Variants in NME7 observed in about 807,000 individuals in gnomAD.
NME7 encodes the protein nucleoside diphosphate kinase 7.
Under a neutral mutation model 49.1 loss-of-function variants are expected in NME7, and 41 were observed. That is an observed-to-expected ratio of 0.83 (90% CI 0.65 to 1.08). The LOEUF (loss-of-function observed/expected upper bound fraction) is 1.08, where lower values mean the gene tolerates loss of function less well. Among genes scored for constraint, NME7 ranks in the 50% least tolerant of loss-of-function variants. The pLI is 0.00. For synonymous variants in NME7, 139 were observed against 150.6 expected (o/e 0.92, Z 0.56); for missense variants, 423 against 463.4 (o/e 0.91, Z 0.80).
intron 6 of NME7, 62 bp downstream of exon 6, chr1:169,298,494 C>T: frequency 6.6e-7 from 1 of 1,508,104 alleles, no homozygotes; most frequent in South Asian, 1.2e-5. Context: ...GAAATGCTTT[C>T]CTTTGATATA....
intron 1 of NME7, among the ~76,000 whole-genome samples, chr1:169,359,529 T>C (rs1225168902): frequency 6.6e-6 from 1 of 152,038 alleles, no homozygotes; most frequent in East Asian, 1.9e-4. Context: ...AAAATATTAA[T>C]AGCGATTGTA....
rs191569456 is a variant in NME7, at chr1:169,269,730, T to C, written c.754+17573A>G. Among the ~76,000 whole-genome samples, 3 of 133,896 alleles carry C rather than the reference T, an allele frequency of 2.2e-5. 1 individual carries two copies. The highest frequency in any genetic ancestry group is 7.6e-5 in the African/African-American group (3 of 39,670). The allele number at this position is 133,896 out of a possible 152,430, so 87.8% of individuals were successfully genotyped here. On this transcript the variant is annotated intron_variant, in intron 7 of 11. Transcript: ENST00000367811. ...GCGCCTACCAGTCTCATTTTAATTC[T>C]TATACCAGAGCCAATTCTGATGCTA...
intron 1 of NME7, 62 bp from the exon 2 acceptor site, chr1:169,324,562 G>T: frequency 1.0e-6 from 1 of 997,318 alleles, no homozygotes; most frequent in Non-Finnish European, 1.5e-6. Context: ...TCTTCTGTAA[G>T]TCACACAAAA....
intron 7 of NME7, among the ~76,000 whole-genome samples, chr1:169,247,730 T>C (rs1045085096): frequency 1.3e-5 from 2 of 152,186 alleles, no homozygotes; most frequent in African/African-American, 4.8e-5. Context: ...AGTGAGAACA[T>C]ACGGTTTTTG....
At position 169,364,854 on chromosome 1, in the gene NME7, T is replaced by C. The variant is rs1016642272; in HGVS notation, c.3+2854A>G. On this transcript the variant is annotated intron_variant, in intron 1 of 11. Transcript: ENST00000367811. The stretch of plus-strand genomic sequence containing the variant: ...ATAGAAGGCCGCAAGGTTAGGACTA[T>C]GGGAGGGACCTAAAATCTGCTAAAA... 1.5e-4 allele frequency among the ~76,000 whole-genome samples: 23 copies of C among 152,196 alleles called. 1 individual carries two copies. The highest frequency in any genetic ancestry group is 2.9e-5 in the Non-Finnish European group (2 of 68,036).
intron 7 of NME7, among the ~76,000 whole-genome samples, chr1:169,255,259 G>A (rs944127876): frequency 1.4e-5 from 2 of 138,646 alleles, no homozygotes; most frequent in Non-Finnish European, 3.3e-5. Context: ...TGTATTGGGT[G>A]CAATATATTT....
chr1:169,216,297 C>T (rs1480167276), intron 10 of NME7, among the ~76,000 whole-genome samples: 3 of 152,116 alleles, frequency 2.0e-5, no homozygotes, highest in Non-Finnish European at 4.4e-5. Flanking sequence ...CCTAACTTTT[C>T]GGGAGGGAAG....
intron 10 of NME7, among the ~76,000 whole-genome samples, chr1:169,192,632 A>T (rs903396530): frequency 6.6e-6 from 1 of 152,130 alleles, no homozygotes; most frequent in African/African-American, 2.4e-5. Flanking sequence ...GTAATACTCA[A>T]CCCTCCTTTG....
At chr1:169,190,118 T>G (rs1660175228) in intron 10 of NME7, among the ~76,000 whole-genome samples, 2 of 152,226 alleles carry the variant, frequency 1.3e-5, no homozygotes, top group East Asian at 1.9e-4. Flanking sequence ...ATTTTACCTC[T>G]AGAAATTAGT....
chr1:169,328,605 TA>T (rs1289962521), intron 1 of NME7, among the ~76,000 whole-genome samples: 1 of 152,138 alleles, frequency 6.6e-6, no homozygotes, highest in Admixed American at 6.5e-5. Flanking sequence ...AAAAAATGAC[TA>T]AAATTATATT....
chr1:169,248,443 T>C (rs1004461228), intron 7 of NME7, among the ~76,000 whole-genome samples: 1 of 152,128 alleles, frequency 6.6e-6, no homozygotes, highest in Non-Finnish European at 1.5e-5. Context: ...TTTATTCTGA[T>C]AGTTATTTCT....
intron 7 of NME7, among the ~76,000 whole-genome samples, chr1:169,258,395 T>TACAC (rs1487056795): frequency 1.3e-5 from 1 of 75,824 alleles, no homozygotes; most frequent in African/African-American, 4.7e-5. Context: ...TATATATATA[T>TACAC]ATATATATAT....
intron 1 of NME7, among the ~76,000 whole-genome samples, chr1:169,347,189 G>C (rs1031690098): frequency 1.3e-5 from 2 of 152,106 alleles, no homozygotes; most frequent in Non-Finnish European, 2.9e-5. Flanking sequence ...GACACAGTGA[G>C]ACGCCATCTC....
intron 10 of NME7, among the ~76,000 whole-genome samples, chr1:169,226,614 G>C (rs1045580087): frequency 6.6e-6 from 1 of 152,154 alleles, no homozygotes; most frequent in African/African-American, 2.4e-5. Context: ...TGTAACTCAG[G>C]AGTCTGAGAC....
intron 10 of NME7, among the ~76,000 whole-genome samples, chr1:169,208,171 T>C (rs1275898905): frequency 6.6e-6 from 1 of 152,190 alleles, no homozygotes; most frequent in Non-Finnish European, 1.5e-5. Context: ...TTTTTTTCCA[T>C]TTAATATATG....
At position 169,323,235 on chromosome 1, in the gene NME7, T is replaced by A. The variant is rs1237364474; in HGVS notation, c.160A>T (p.Asn54Tyr). The change falls in exon 3 of 12, where the codon AAC (asparagine) becomes TAC (tyrosine). Residue 54 changes from asparagine (N) to tyrosine (Y), a missense_variant. Physicochemically the swap from Asn to Tyr is moderately radical, Grantham distance 143. Coordinates refer to ENST00000367811, the MANE Select transcript of NME7 (RefSeq NM_013330.5). ...ATAAATAAATCTTCCAAGTGCAGGT[T>A]ATCATATTTGGTCCGCTTTAAAAAG... ...RTFLKRTKYD[N>Y]LHLEDLFIGN... The A allele has an allele frequency of 1.2e-6, 2 of 1,607,416 alleles. No individual in the cohort carries two copies. Among genetic ancestry groups the A allele is most frequent in the South Asian group, 2.2e-5 (2 of 89,372 alleles).
intron 4 of NME7, among the ~76,000 whole-genome samples, chr1:169,307,118 A>G (rs1476921397): frequency 6.6e-6 from 1 of 152,192 alleles, no homozygotes; most frequent in Non-Finnish European, 1.5e-5. Flanking sequence ...CCAAGGATGA[A>G]GAAGAGTATA....
chr1:169,288,767 A>G (rs1212367995), intron 6 of NME7, among the ~76,000 whole-genome samples: 1 of 152,118 alleles, frequency 6.6e-6, no homozygotes, highest in Non-Finnish European at 1.5e-5. Context: ...TATTCTTTTT[A>G]ATCAATAACA....
chr1:169,176,042 G>A (rs927844276), intron 10 of NME7, among the ~76,000 whole-genome samples: 3 of 152,006 alleles, frequency 2.0e-5, no homozygotes, highest in African/African-American at 7.3e-5. Flanking sequence ...TGACTCCTCC[G>A]GCACTTCAAA....
Sources: gnomAD v4.1 joint callset for allele counts (sites outside exome capture counted in the v4.1 genomes callset) on GRCh38, gnomAD v4.1.1 for gene constraint, MANE v1.5 for transcripts, NCBI Gene and HGNC (gene_info 2026-07-23, HGNC 2026-07-21) for gene names.